Variants in CNTN1 observed in about 807,000 individuals in gnomAD.
The protein encoded by CNTN1 is contactin 1.
A neutral mutation model predicts 126.4 loss-of-function variants in CNTN1; 38 were observed. That is an observed-to-expected ratio of 0.30 (90% CI 0.23 to 0.39). The LOEUF is 0.39. Ranked by LOEUF, CNTN1 falls within the 10% of genes least tolerant of loss-of-function variation. The pLI is 1.00. For synonymous variants in CNTN1, 413 were observed against 422.6 expected, an observed-to-expected ratio of 0.98 and a Z score of 0.28; for missense variants, 1,009 against 1,248.4, an observed-to-expected ratio of 0.81 and a Z score of 2.89.
chr12:40,980,160 C>T (rs557332530), intron 15 of CNTN1, among the ~76,000 whole-genome samples: 15 of 152,170 alleles, frequency 9.9e-5, no homozygotes, highest in African/African-American at 3.1e-4. Context: ...TGGGCCAGTG[C>T]GGTGGTTCAC....
intron 19 of CNTN1, among the ~76,000 whole-genome samples, chr12:41,018,907 A>T (rs1213341488): frequency 1.3e-5 from 2 of 152,158 alleles, no homozygotes; most frequent in African/African-American, 4.8e-5. Flanking sequence ...CTATAATCCC[A>T]GCACTTTGGG....
chr12:40,882,242 A>C (rs1169376708), intron 1 of CNTN1, among the ~76,000 whole-genome samples: 1 of 151,788 alleles, frequency 6.6e-6, no homozygotes, highest in East Asian at 1.9e-4. Context: ...AGAGAGAACA[A>C]GTTGAACTAA....
Position 40,767,220 on chromosome 12 carries a change from AG to A in CNTN1, c.-77+74632del, listed in dbSNP as rs1183125294. Among the ~76,000 whole-genome samples, 2 of 151,728 alleles carry A rather than the reference AG, an allele frequency of 1.3e-5. 1 individual carries two copies. Among genetic ancestry groups the A allele is most frequent in the Middle Eastern group, 6.4e-3 (2 of 314 alleles). ...TTGGTCTGAAAATTACTAGGGGTCA[AG>A]GGGTCAATAATACTATGATATAAGA... On this transcript the variant is annotated intron_variant, in intron 1 of 23. Transcript: ENST00000551295.
intron 1 of CNTN1, among the ~76,000 whole-genome samples, chr12:40,874,873 C>T (rs1943617301): frequency 6.6e-6 from 1 of 152,132 alleles, no homozygotes; most frequent in Non-Finnish European, 1.5e-5. Context: ...ATCATTTAAT[C>T]TCATAAAATC....
chr12:40,707,801 G>C lies in CNTN1; in HGVS notation c.-77+15209G>C, dbSNP rs192200106. Among the ~76,000 whole-genome samples, 7 of 152,194 alleles carry C rather than the reference G, an allele frequency of 4.6e-5. No homozygotes were observed. In the East Asian group the frequency reaches 1.4e-3, roughly 29 times the overall value. The stretch of plus-strand genomic sequence containing the variant: ...ATACTTTGAAGTCTTCAGTTTCTTG[G>C]GTGGCCATTGGAAAGATGGTTTCTA... On this transcript the variant is annotated intron_variant, in intron 1 of 23. Transcript: ENST00000551295.
At chr12:41,026,208 C>T (rs1169850425) in intron 21 of CNTN1, among the ~76,000 whole-genome samples, 1 of 152,118 alleles carries the variant, frequency 6.6e-6, no homozygotes, top group Non-Finnish European at 1.5e-5. Context: ...TTTATTCATT[C>T]ATCAAAAATA....
intron 1 of CNTN1, among the ~76,000 whole-genome samples, chr12:40,727,058 C>CT (rs1344313286): frequency 6.7e-6 from 1 of 148,912 alleles, no homozygotes; most frequent in Non-Finnish European, 1.5e-5. Context: ...TCCTCATGTT[C>CT]TTTTTTATTA....
chr12:41,064,928 A>C (rs1950018021), intron 23 of CNTN1, among the ~76,000 whole-genome samples: 1 of 152,240 alleles, frequency 6.6e-6, no homozygotes, highest in Non-Finnish European at 1.5e-5. Flanking sequence ...CAGCCAGTAA[A>C]AGGCAGAGGT....
intron 1 of CNTN1, among the ~76,000 whole-genome samples, chr12:40,869,906 C>T (rs1474479215): frequency 6.6e-6 from 1 of 152,164 alleles, no homozygotes. Context: ...TTTGTCCACA[C>T]CAAAATCTCA....
At chr12:40,723,503 C>A (rs1023477733) in intron 1 of CNTN1, among the ~76,000 whole-genome samples, 4 of 152,112 alleles carry the variant, frequency 2.6e-5, no homozygotes, top group African/African-American at 7.2e-5. Flanking sequence ...AAATGTTCAT[C>A]TGAGTGATTT....
chr12:40,946,538 T>C (rs1396409048), intron 14 of CNTN1, among the ~76,000 whole-genome samples: 1 of 152,062 alleles, frequency 6.6e-6, no homozygotes, highest in African/African-American at 2.4e-5. Context: ...AATAAACCAA[T>C]GATACCCCAA....
At chr12:40,818,942 T>C (rs1000919626) in intron 1 of CNTN1, among the ~76,000 whole-genome samples, 3 of 152,124 alleles carry the variant, frequency 2.0e-5, no homozygotes, top group Non-Finnish European at 4.4e-5. Context: ...CCCTCTTCCA[T>C]AGGGCTGCTG....
intron 1 of CNTN1, among the ~76,000 whole-genome samples, chr12:40,841,190 A>C (rs924082012): frequency 1.3e-5 from 2 of 152,180 alleles, no homozygotes; most frequent in African/African-American, 4.8e-5. Context: ...AAAACTGGAA[A>C]TGGATAAATT....
chr12:41,019,262 A>G (rs533446476), intron 19 of CNTN1, among the ~76,000 whole-genome samples: 48 of 152,360 alleles, frequency 3.2e-4, no homozygotes, highest in African/African-American at 1.2e-3. Context: ...AGCATTTTAC[A>G]AGTTACCTTC....
At chr12:40,704,070 T>C (rs1313906648) in intron 1 of CNTN1, among the ~76,000 whole-genome samples, 1 of 152,122 alleles carries the variant, frequency 6.6e-6, no homozygotes, top group Non-Finnish European at 1.5e-5. Flanking sequence ...TATGGTATAG[T>C]ATAAATTATA....
chr12:40,876,381 C>T (rs1227740095), intron 1 of CNTN1, among the ~76,000 whole-genome samples: 4 of 151,898 alleles, frequency 2.6e-5, no homozygotes. Flanking sequence ...GAAAATATAC[C>T]CAACAATTTG....
Position 40,943,695 on chromosome 12 carries a change from C to T in CNTN1, c.1478C>T (p.Ala493Val), listed in dbSNP as rs753861272. ...TTTGCAGAAAATAACAGAGGGAAAG[C>T]TAATAGCACTGGAACCCTTGTTATC... ...TCFAENNRGK[A>V]NSTGTLVITD... The change falls in exon 13 of 24, where the codon GCT (alanine) becomes GTT (valine). Residue 493 changes from alanine (A) to valine (V), a missense_variant. Ala to Val is a moderately conservative substitution (Grantham distance 64). Coordinates refer to ENST00000551295, the MANE Select transcript of CNTN1 (RefSeq NM_001843.4). The T allele has an allele frequency of 1.8e-5, 29 of 1,612,626 alleles. No individual in the cohort carries two copies. Among genetic ancestry groups the T allele is most frequent in the Non-Finnish European group, 2.4e-5 (28 of 1,179,080 alleles).
At chr12:40,730,217 G>T (rs1942457937) in intron 1 of CNTN1, among the ~76,000 whole-genome samples, 1 of 152,216 alleles carries the variant, frequency 6.6e-6, no homozygotes, top group Non-Finnish European at 1.5e-5. Context: ...AGTGGTGGCT[G>T]ACTGTTGCAG....
intron 1 of CNTN1, among the ~76,000 whole-genome samples, chr12:40,827,503 CTTG>C (rs770577741): frequency 4.6e-5 from 7 of 151,832 alleles, no homozygotes; most frequent in Non-Finnish European, 8.8e-5. Context: ...TTCATTTAGC[CTTG>C]TTGATGTTCC....
Sources: gnomAD v4.1 joint callset for allele counts (sites outside exome capture counted in the v4.1 genomes callset) on GRCh38, gnomAD v4.1.1 for gene constraint, MANE v1.5 for transcripts, NCBI Gene and HGNC (gene_info 2026-07-23, HGNC 2026-07-21) for gene names.